ATP8A2: variants seen among roughly 807,000 people sequenced by gnomAD.
ATP8A2 encodes phospholipid-transporting ATPase IB.
In ATP8A2, 100 loss-of-function variants were observed where a neutral mutation model predicts 165.6. The observed-to-expected ratio is 0.60, with a 90% confidence interval of 0.51 to 0.71. The LOEUF is 0.71. ATP8A2 is among the 30% of genes least tolerant of loss of function. The pLI is 0.00. For synonymous variants in ATP8A2, 543 were observed against 548.8 expected, an observed-to-expected ratio of 0.99 and a Z score of 0.15; for missense variants, 1,227 against 1,479.5, an observed-to-expected ratio of 0.83 and a Z score of 2.80.
intron 26 of ATP8A2, among the ~76,000 whole-genome samples, chr13:25,772,735 AATTT>A (rs375525937): frequency 1.1e-4 from 16 of 150,826 alleles, no homozygotes; most frequent in Admixed American, 2.6e-4. Flanking sequence ...TTAATTAATT[AATTT>A]ATTTATTTAT....
rs560759771 is a variant in ATP8A2, at chr13:25,901,956, C to G, written c.3183+39548C>G. Among the ~76,000 whole-genome samples, 3 of 152,292 alleles carry G rather than the reference C, an allele frequency of 2.0e-5. No homozygotes were observed. In the East Asian group the frequency reaches 5.8e-4, roughly 29 times the overall value. Reference sequence around the variant, plus strand: ...GTACAGCGTATCAATATTAGCTGACCTACCAAATCTGAAAATGCTTAAGTA... The same window carrying G: ...GTACAGCGTATCAATATTAGCTGACGTACCAAATCTGAAAATGCTTAAGTA... On this transcript the variant is annotated intron_variant, in intron 33 of 36. Transcript: ENST00000381655.
chr13:25,771,838 A>T (rs907903504), intron 26 of ATP8A2, among the ~76,000 whole-genome samples: 1 of 152,242 alleles, frequency 6.6e-6, no homozygotes, highest in African/African-American at 2.4e-5. Flanking sequence ...TCACCATGCC[A>T]GAAAAGCCAC....
At chr13:25,847,777 G>A (rs1258819776) in intron 30 of ATP8A2, among the ~76,000 whole-genome samples, 3 of 152,092 alleles carry the variant, frequency 2.0e-5, no homozygotes, top group Non-Finnish European at 4.4e-5. Flanking sequence ...TCCTCCCAGG[G>A]CTAGCTAATT....
intron 27 of ATP8A2, among the ~76,000 whole-genome samples, chr13:25,814,832 G>T (rs759558042): frequency 1.3e-5 from 2 of 152,022 alleles, no homozygotes; most frequent in African/African-American, 4.8e-5. Context: ...TCTGGGCAAC[G>T]TGGTGAAATC....
chr13:25,587,439 G>GA (rs35160216), intron 23 of ATP8A2, among the ~76,000 whole-genome samples: 4,753 of 149,874 alleles, frequency 0.032, 101 homozygotes, highest in South Asian at 0.054. Flanking sequence ...GCCATGGCTA[G>GA]AAAAAAAAAG....
chr13:25,738,576 G>A lies in ATP8A2; in HGVS notation c.2385-30470G>A, dbSNP rs536968620. On this transcript the variant is annotated intron_variant, in intron 25 of 36. Coordinates refer to ENST00000381655, the MANE Select transcript of ATP8A2 (RefSeq NM_016529.6). ...GATTTGTGGTGAAGGGTGGGAAGGG[G>A]CCTGGGCCTGGAGGGCCCCACCAAT... 1.5e-3 allele frequency among the ~76,000 whole-genome samples: 228 copies of A among 152,340 alleles called. 1 individual carries two copies. The highest frequency in any genetic ancestry group is 5.4e-3 in the African/African-American group (225 of 41,586).
intron 25 of ATP8A2, among the ~76,000 whole-genome samples, chr13:25,754,035 G>A (rs1045469501): frequency 3.3e-5 from 5 of 152,194 alleles, no homozygotes; most frequent in Non-Finnish European, 7.3e-5. Context: ...TGCAGATACC[G>A]TTTGTTCAGT....
At chr13:25,977,014 C>T (rs1366180710) in intron 35 of ATP8A2, among the ~76,000 whole-genome samples, 2 of 150,346 alleles carry the variant, frequency 1.3e-5, no homozygotes, top group Non-Finnish European at 3.0e-5. Context: ...TCTTGAACTC[C>T]TGACCTTGTG....
chr13:25,558,904 A>G (rs2039060754), intron 13 of ATP8A2, 69 bp from the exon 14 acceptor site: 1 of 1,117,674 alleles, frequency 8.9e-7, no homozygotes. Context: ...TATAGAAGGA[A>G]AGACTTCATT....
intron 25 of ATP8A2, among the ~76,000 whole-genome samples, chr13:25,701,067 G>C (rs928329955): frequency 1.3e-5 from 2 of 152,000 alleles, no homozygotes; most frequent in African/African-American, 4.8e-5. Flanking sequence ...GAGGTATAAG[G>C]GTTCTTTAGC....
intron 28 of ATP8A2, among the ~76,000 whole-genome samples, chr13:25,829,977 A>T (rs568699204): frequency 2.6e-5 from 4 of 151,258 alleles, no homozygotes; most frequent in Non-Finnish European, 5.9e-5. Flanking sequence ...CCAGATTAAC[A>T]AAGAGAATCT....
chr13:25,786,828 T>A (rs1376395774), intron 27 of ATP8A2, among the ~76,000 whole-genome samples: 1 of 150,482 alleles, frequency 6.6e-6, no homozygotes, highest in Non-Finnish European at 1.5e-5. Flanking sequence ...GGATCTCAGC[T>A]CACTGCAACC....
At chr13:25,826,084 T>C (rs1210050210) in intron 27 of ATP8A2, among the ~76,000 whole-genome samples, 3 of 152,248 alleles carry the variant, frequency 2.0e-5, no homozygotes, top group Admixed American at 2.0e-4. Flanking sequence ...TTGCTAAGAG[T>C]AAATTTCAAA....
intron 1 of ATP8A2, among the ~76,000 whole-genome samples, chr13:25,425,854 G>A (rs568173475): frequency 9.2e-5 from 14 of 152,190 alleles, no homozygotes; most frequent in South Asian, 2.1e-4. Flanking sequence ...GGGATTACAG[G>A]CGTGAGCCAC....
intron 35 of ATP8A2, among the ~76,000 whole-genome samples, chr13:25,975,348 C>A (rs1355243768): frequency 6.6e-6 from 1 of 152,024 alleles, no homozygotes; most frequent in South Asian, 2.1e-4. Context: ...CCAAGGCGGG[C>A]AGGTCACGAG....
At chr13:25,892,503 T>TCC (rs1555286154) in intron 33 of ATP8A2, among the ~76,000 whole-genome samples, 1 of 150,466 alleles carries the variant, frequency 6.6e-6, no homozygotes. Context: ...TCTCTCTCTC[T>TCC]CCTTCCACCT....
At position 25,390,304 on chromosome 13, in the gene ATP8A2, G is replaced by A. The variant is rs575368932; in HGVS notation, c.76+18016G>A. The stretch of plus-strand genomic sequence containing the variant: ...CCACCTTGCCCAGCCCATTTTTTTG[G>A]CTTTTTAAAAGTCAAGGTTATTAAG... On this transcript the variant is annotated intron_variant, in intron 1 of 36. Coordinates refer to ENST00000381655, the MANE Select transcript of ATP8A2 (RefSeq NM_016529.6). Among the ~76,000 whole-genome samples the A allele has an allele frequency of 2.0e-5, 3 of 152,162 alleles. No individual in the cohort carries two copies. The South Asian group carries it at 6.2e-4, about 32-fold the overall frequency.
intron 1 of ATP8A2, 133 bp from the exon 2 acceptor site, chr13:25,468,844 C>A (rs369461734): frequency 4.9e-6 from 7 of 1,415,170 alleles, no homozygotes; most frequent in African/African-American, 1.5e-5. Flanking sequence ...AGCCAAGGTA[C>A]GTAGGCGGCG....
intron 25 of ATP8A2, among the ~76,000 whole-genome samples, chr13:25,735,953 C>G (rs2043759207): frequency 6.6e-6 from 1 of 152,164 alleles, no homozygotes; most frequent in South Asian, 2.1e-4. Flanking sequence ...ATGGTAAGTG[C>G]TCTATACGCG....
Sources: gnomAD v4.1 joint callset for allele counts (sites outside exome capture counted in the v4.1 genomes callset) on GRCh38, gnomAD v4.1.1 for gene constraint, MANE v1.5 for transcripts, NCBI Gene and HGNC (gene_info 2026-07-23, HGNC 2026-07-21) for gene names.